The following NARS2 variants were observed in gnomAD, a reference collection of about 807,000 sequenced individuals.
NARS2 encodes the protein asparaginyl-tRNA synthetase.
A neutral mutation model predicts 62.9 loss-of-function variants in NARS2; 60 were observed. The ratio of observed to expected loss-of-function variants is 0.95; its 90% CI spans 0.77 to 1.18. The LOEUF is 1.18. NARS2 is among the 50% of genes most tolerant of loss of function. The pLI, the probability that NARS2 is intolerant of heterozygous loss-of-function variation, is 0.00. For missense variants in NARS2, 619 were observed against 576.4 expected (o/e 1.07, Z -0.76); for synonymous variants, 196 against 200.0 (o/e 0.98, Z 0.17).
intron 9 of NARS2, 129 bp from the exon 10 acceptor site, chr11:78,469,442 T>A (rs1272134822): frequency 3.0e-6 from 2 of 667,780 alleles, no homozygotes; most frequent in Admixed American, 4.8e-5. Context: ...GAATTAAGGC[T>A]GATCTAATCC....
intron 6 of NARS2, among the ~76,000 whole-genome samples, chr11:78,528,004 G>A (rs944208534): frequency 1.3e-5 from 2 of 152,144 alleles, no homozygotes; most frequent in African/African-American, 2.4e-5. Flanking sequence ...CAGTTACTTG[G>A]GAGGCCTAAG....
At chr11:78,568,933 G>T (rs1043460885) in intron 2 of NARS2, among the ~76,000 whole-genome samples, 181 bp from the exon 3 acceptor site, 4 of 152,140 alleles carry the variant, frequency 2.6e-5, no homozygotes, top group Non-Finnish European at 5.9e-5. Context: ...GTTATAAAAT[G>T]AATTCCATAA....
chr11:78,563,266 G>A (rs2135525399), intron 4 of NARS2, among the ~76,000 whole-genome samples: 1 of 127,258 alleles, frequency 7.9e-6, no homozygotes, highest in Non-Finnish European at 1.6e-5. Context: ...TCGCCAGGTT[G>A]GAGTGCAGTG....
At chr11:78,498,342 C>T (rs944213927) in intron 6 of NARS2, among the ~76,000 whole-genome samples, 1 of 152,190 alleles carries the variant, frequency 6.6e-6, no homozygotes, top group Non-Finnish European at 1.5e-5. Flanking sequence ...AAATACTGCT[C>T]TGACCTCTAT....
In NARS2 at chr11:78,456,408, C is replaced by T. The variant is rs952477103; in HGVS notation, c.1164+9468G>A. ...TACGACAGACTGAAATGGATACTTT[C>T]AATTTTGACAAAAATTTCTAGGATT... On this transcript the variant is annotated intron_variant, in intron 11 of 13. Coordinates refer to ENST00000281038, the MANE Select transcript of NARS2 (RefSeq NM_024678.6). Among the ~76,000 whole-genome samples, 62 of 152,154 alleles carry T rather than the reference C, an allele frequency of 4.1e-4. 1 individual carries two copies. The highest frequency in any genetic ancestry group is 1.0e-4 in the Non-Finnish European group (7 of 68,010).
chr11:78,442,408 A>G (rs879272369), intron 12 of NARS2, among the ~76,000 whole-genome samples: 164 of 152,360 alleles, frequency 1.1e-3, no homozygotes, highest in East Asian at 3.9e-4. Context: ...AGAGCAGTTC[A>G]GATGAGTGGG....
intron 7 of NARS2, among the ~76,000 whole-genome samples, chr11:78,482,781 GAC>G (rs1859412300): frequency 1.3e-5 from 2 of 152,144 alleles, no homozygotes; most frequent in Non-Finnish European, 2.9e-5. Flanking sequence ...CCCAGGACCA[GAC>G]AGATTCACAG....
At chr11:78,532,722 T>G (rs1192638027) in intron 5 of NARS2, among the ~76,000 whole-genome samples, 1 of 152,192 alleles carries the variant, frequency 6.6e-6, no homozygotes, top group Non-Finnish European at 1.5e-5. Context: ...TGTTATAGAT[T>G]AACATCCTTC....
intron 6 of NARS2, among the ~76,000 whole-genome samples, chr11:78,510,264 C>A (rs1001015817): frequency 6.6e-6 from 1 of 151,896 alleles, no homozygotes; most frequent in Non-Finnish European, 1.5e-5. Flanking sequence ...AACAAATAAA[C>A]TGAAAGTGAA....
chr11:78,568,599 A>G, intron 3 of NARS2, 33 bp downstream of exon 3: 1 of 1,602,194 alleles, frequency 6.2e-7, no homozygotes, highest in South Asian at 1.1e-5. Flanking sequence ...ATTAAAGCCT[A>G]AACAGCCTCC....
chr11:78,547,462 T>C (rs1348026172), intron 5 of NARS2, among the ~76,000 whole-genome samples: 2 of 152,172 alleles, frequency 1.3e-5, no homozygotes, highest in Non-Finnish European at 2.9e-5. Flanking sequence ...GAAATACATA[T>C]ATTGATACAC....
chr11:78,552,871 GA>G (rs1856180144), intron 5 of NARS2, among the ~76,000 whole-genome samples: 1 of 152,210 alleles, frequency 6.6e-6, no homozygotes, highest in African/African-American at 2.4e-5. Context: ...TCAACTTTGG[GA>G]AAATCAACTT....
chr11:78,541,195 A>G (rs188078199), intron 5 of NARS2, among the ~76,000 whole-genome samples: 17 of 152,302 alleles, frequency 1.1e-4, no homozygotes, highest in African/African-American at 3.6e-4. Context: ...TCCCTCTTGT[A>G]AAAGATGCTA....
chr11:78,478,494 AAG>A lies in NARS2; in HGVS notation c.922-21_922-20del. Reference sequence around the variant, plus strand: ...ATCTGTCCTTAATAAAAAGACAAAAAAGAAAATTTTAAAAATATAATTTTATT... The same window carrying A: ...ATCTGTCCTTAATAAAAAGACAAAAAAAAATTTTAAAAATATAATTTTATT... On this transcript the variant is annotated intron_variant, in intron 8 of 13. Transcript: ENST00000281038. 8.2e-7 allele frequency: 1 copy of A among 1,213,016 alleles called. No individual in the cohort carries two copies. Among genetic ancestry groups the A allele is most frequent in the Non-Finnish European group, 1.1e-6 (1 of 886,516 alleles). 75.1% of individuals were successfully genotyped at this position (1,213,016 alleles called of 1,614,324 possible). A position where few individuals can be genotyped will look rare whatever the true frequency, so the allele number is the denominator to read the frequency against.
In NARS2 at chr11:78,559,545, T is replaced by C. The variant is rs758690635; in HGVS notation, c.588A>G (p.Gln196=). The change falls in exon 5 of 14, where the codon CAA becomes CAG. Residue 196 remains glutamine (Q), a synonymous_variant. Transcript: ENST00000281038. The part of the protein sequence containing the change: ...NDSEGAGELF[Q]LEPSGKLKVP... ...GATGGGAAGCAAAACTTACTTCAAG[T>C]TGAAAAAGTTCTCCAGCTCCCTCAG... 7 of 1,607,306 alleles carry C rather than the reference T, an allele frequency of 4.4e-6. No homozygotes were observed. In the East Asian group the frequency reaches 1.6e-4, roughly 36 times the overall value.
At chr11:78,491,888 T>C (rs890913435) in intron 7 of NARS2, among the ~76,000 whole-genome samples, 1 of 152,088 alleles carries the variant, frequency 6.6e-6, no homozygotes, top group African/African-American at 2.4e-5. Context: ...TAAGTGGAAA[T>C]AGGTCATTTA....
chr11:78,436,887 T>C, intron 13 of NARS2, 73 bp from the exon 14 acceptor site: 1 of 1,457,772 alleles, frequency 6.9e-7, no homozygotes, highest in Non-Finnish European at 9.5e-7. Context: ...AATTTAATGT[T>C]TCAAACGTAT....
intron 5 of NARS2, among the ~76,000 whole-genome samples, chr11:78,558,054 G>T (rs991456905): frequency 6.6e-6 from 1 of 151,868 alleles, no homozygotes; most frequent in Non-Finnish European, 1.5e-5. Context: ...TTTAGACTAA[G>T]GGATTTAGAA....
At chr11:78,504,200 A>G (rs186215469) in intron 6 of NARS2, among the ~76,000 whole-genome samples, 1 of 152,336 alleles carries the variant, frequency 6.6e-6, no homozygotes, top group Admixed American at 6.5e-5. Context: ...ATCAGGAGGA[A>G]AGCCCAGAAT....
Sources: gnomAD v4.1 joint callset for allele counts (sites outside exome capture counted in the v4.1 genomes callset) on GRCh38, gnomAD v4.1.1 for gene constraint, MANE v1.5 for transcripts, NCBI Gene and HGNC (gene_info 2026-07-23, HGNC 2026-07-21) for gene names.